Variants in FBRSL1 observed in about 807,000 individuals in gnomAD.
FBRSL1 encodes fibrosin like 1, also known as fibrosin-1-like protein.
FBRSL1 carries 51 observed loss-of-function variants against 89.6 expected under a neutral mutation model. That is an observed-to-expected ratio of 0.57 (90% CI 0.45 to 0.72). FBRSL1 has a LOEUF of 0.72. Ranked by LOEUF, FBRSL1 falls within the 30% of genes least tolerant of loss-of-function variation. FBRSL1 has a pLI of 0.00. For missense variants in FBRSL1, 1,618 were observed against 1,451.8 expected, an observed-to-expected ratio of 1.11 and a Z score of -1.86; for synonymous variants, 779 against 681.1, an observed-to-expected ratio of 1.14 and a Z score of -2.24.
intron 15 of FBRSL1, among the ~76,000 whole-genome samples, chr12:132,578,559 G>T (rs1257385939): frequency 6.6e-6 from 1 of 152,120 alleles, no homozygotes; most frequent in African/African-American, 2.4e-5. Context: ...TCAAGGGTCA[G>T]CTGCATGCAC....
rs1395236967 is a variant in FBRSL1 at position 132,546,653 on chromosome 12, G to T, written c.616-1350G>T. Among the ~76,000 whole-genome samples, 1 of 152,156 alleles carries T rather than the reference G, an allele frequency of 6.6e-6. No individual in the cohort carries two copies. Among genetic ancestry groups the T allele is most frequent in the Non-Finnish European group, 1.5e-5 (1 of 67,998 alleles). On this transcript the variant is annotated intron_variant, in intron 4 of 18. Transcript: ENST00000680143. This position sits in a 1 kb window ranked among gnomAD's most constrained non-coding sequence, Gnocchi z 4.0. ...CACGGCTGAAAGGCCAGACCAGGGGGGACCAGCACACAGCCGGGACAGACA... is the reference window on the plus strand; with the variant it reads ...CACGGCTGAAAGGCCAGACCAGGGGTGACCAGCACACAGCCGGGACAGACA...
chr12:132,536,549 A>G (rs1043857209), intron 4 of FBRSL1, among the ~76,000 whole-genome samples: 1 of 150,064 alleles, frequency 6.7e-6, no homozygotes, highest in Non-Finnish European at 1.5e-5. Flanking sequence ...CTATGTGTAC[A>G]TGACAGTGTG....
Position 132,570,220 on chromosome 12 carries a change from C to G in FBRSL1, c.986C>G (p.Ala329Gly). 2 of 1,500,500 alleles carry G rather than the reference C, an allele frequency of 1.3e-6. No individual in the cohort carries two copies. The highest frequency in any genetic ancestry group is 3.7e-4 in the Middle Eastern group (2 of 5,446). 92.9% of individuals were successfully genotyped at this position (1,500,500 alleles called of 1,614,324 possible). A position where few individuals can be genotyped will look rare whatever the true frequency, so the allele number is the denominator to read the frequency against. Residue 329 changes from alanine (A) to glycine (G), a missense_variant, in exon 7 of 19, where the codon GCC (alanine) becomes GGC (glycine). By Grantham distance (60) the Ala-to-Gly change is moderately conservative. Coordinates refer to ENST00000680143, the MANE Select transcript of FBRSL1 (RefSeq NM_001367871.1). ...TTCGCGGGCCACAGCCAGGCGGCAG[C>G]CAACGGCCTGCACGGCCTCAGGTGG... ...GAFAGHSQAA[A>G]NGLHGLSRSS...
At chr12:132,525,672 G>T in intron 2 of FBRSL1, 62 bp from the exon 3 acceptor site, 5 of 1,401,878 alleles carry the variant, frequency 3.6e-6, no homozygotes, top group Non-Finnish European at 4.9e-6. Flanking sequence ...CTAGCCAGGG[G>T]GCCCCGATGC....
chr12:132,495,959 G>T (rs1258855212), intron 1 of FBRSL1, among the ~76,000 whole-genome samples: 1 of 152,264 alleles, frequency 6.6e-6, no homozygotes, highest in Non-Finnish European at 1.5e-5. Flanking sequence ...TGGCCTCGGG[G>T]TCGGGGCTGT....
intron 4 of FBRSL1, among the ~76,000 whole-genome samples, chr12:132,545,078 CG>C (rs1180537371): frequency 6.6e-6 from 1 of 151,306 alleles, no homozygotes; most frequent in Non-Finnish European, 1.5e-5. Context: ...TGGGGCCGTG[CG>C]GCACGGAGCT....
At chr12:132,523,542 C>T (rs2035541486) in intron 2 of FBRSL1, among the ~76,000 whole-genome samples, 1 of 152,136 alleles carries the variant, frequency 6.6e-6, no homozygotes, top group Non-Finnish European at 1.5e-5. Context: ...CCCTACTCCT[C>T]ACGGCTCAGC....
intron 1 of FBRSL1, 23 bp downstream of exon 1, chr12:132,490,884 G>T (rs778313067): frequency 1.1e-5 from 13 of 1,229,142 alleles, no homozygotes; most frequent in South Asian, 9.5e-5. Context: ...GTGCGGCTTC[G>T]CAGGCGTTGA....
At position 132,567,464 on chromosome 12, in the gene FBRSL1, C is replaced by G. The variant is rs1315468705; in HGVS notation, c.646-17C>G. ...GGACCACCCTGACTGCCCCTGACCC[C>G]CCTTCTCTCTCTCCAGGCATCCGTG... On this transcript the variant is annotated splice_polypyrimidine_tract_variant and intron_variant, in intron 5 of 18. Transcript: ENST00000680143. The G allele has an allele frequency of 1.3e-6, 2 of 1,551,096 alleles. No individual in the cohort carries two copies. The highest frequency in any genetic ancestry group is 1.7e-6 in the Non-Finnish European group (2 of 1,146,856).
chr12:132,548,052 C>T lies in FBRSL1; in HGVS notation c.645+20C>T. On this transcript the variant is annotated intron_variant, in intron 5 of 18. Transcript: ENST00000680143. The stretch of plus-strand genomic sequence containing the variant: ...GACAAGGTAAGCCCAGCGTCCTCCT[C>T]CTGGGCTCGGCTGACAGCCCTGCCC... The T allele has an allele frequency of 6.5e-7, 1 of 1,549,884 alleles. No homozygotes were observed. The highest frequency in any genetic ancestry group is 1.2e-5 in the South Asian group (1 of 84,020).
At chr12:132,505,594 C>T (rs1003638155) in intron 1 of FBRSL1, among the ~76,000 whole-genome samples, 1 of 152,222 alleles carries the variant, frequency 6.6e-6, no homozygotes, top group Non-Finnish European at 1.5e-5. Flanking sequence ...ACCACCAACC[C>T]CTCAGGTGTA....
chr12:132,574,956 C>T (rs923229263), intron 14 of FBRSL1, among the ~76,000 whole-genome samples: 1 of 151,848 alleles, frequency 6.6e-6, no homozygotes, highest in Non-Finnish European at 1.5e-5. Context: ...CCAGGGGGAC[C>T]GTGAGTGCTC....
At chr12:132,575,843 AG>A (rs571056775) in intron 14 of FBRSL1, among the ~76,000 whole-genome samples, 80 of 152,256 alleles carry the variant, frequency 5.3e-4, no homozygotes, top group Non-Finnish European at 1.0e-3. Context: ...AGGGACCAGG[AG>A]GGGCCGGCCC....
intron 4 of FBRSL1, among the ~76,000 whole-genome samples, chr12:132,536,423 G>A (rs1445540283): frequency 6.6e-6 from 1 of 152,036 alleles, no homozygotes; most frequent in African/African-American, 2.4e-5. Flanking sequence ...ATGATGGTGT[G>A]TGTGCCATGT....
chr12:132,491,548 C>T (rs139149788), intron 1 of FBRSL1, among the ~76,000 whole-genome samples: 143 of 152,350 alleles, frequency 9.4e-4, no homozygotes, highest in African/African-American at 3.3e-3. Context: ...GCACCAGGGC[C>T]GAGACCCGCC....
rs562720781 is a variant in FBRSL1 at position 132,546,600 on chromosome 12, C to CG, written c.616-1396dup. ...CTTGGCCACGGCTGAAAGGCCAGAC[C>CG]GGGGGGGACCCTAGGAGAGGGCTTG... On this transcript the variant is annotated intron_variant, in intron 4 of 18. Transcript: ENST00000680143. This position sits in a 1 kb window ranked among gnomAD's most constrained non-coding sequence, Gnocchi z 4.0. 3.4e-5 allele frequency among the ~76,000 whole-genome samples: 5 copies of CG among 148,102 alleles called. No individual in the cohort carries two copies. The highest frequency in any genetic ancestry group is 7.6e-5 in the African/African-American group (3 of 39,276).
chr12:132,579,545 C>T (rs994967955), intron 15 of FBRSL1, among the ~76,000 whole-genome samples: 3 of 152,220 alleles, frequency 2.0e-5, no homozygotes, highest in Non-Finnish European at 4.4e-5. Context: ...AATGCAAAGA[C>T]ATTTGTCTGT....
chr12:132,560,360 G>A (rs1344195608), intron 5 of FBRSL1: 2 of 152,308 alleles, frequency 1.3e-5, no homozygotes, highest in South Asian at 1.9e-4. Flanking sequence ...CGCCTCTCCC[G>A]GAGCCAAGCG....
chr12:132,534,372 C>G (rs1400662269), intron 4 of FBRSL1, among the ~76,000 whole-genome samples: 1 of 152,240 alleles, frequency 6.6e-6, no homozygotes. Flanking sequence ...TATTTGATTG[C>G]AAACAGGTGA....
Sources: allele counts gnomAD v4.1 joint callset (sites outside exome capture counted in the v4.1 genomes callset), GRCh38; gene constraint gnomAD v4.1.1; non-coding constraint Gnocchi (gnomAD v3.1); transcripts MANE v1.5; gene names NCBI Gene and HGNC (gene_info 2026-07-23, HGNC 2026-07-21).